The following CLIC5 variants were observed in gnomAD, a reference collection of about 807,000 sequenced individuals.
The protein encoded by CLIC5 is CLIC family member 5.
A neutral mutation model predicts 24.7 loss-of-function variants in CLIC5; 20 were observed. The observed-to-expected ratio is 0.81, with a 90% CI of 0.57 to 1.18. The LOEUF (loss-of-function observed/expected upper bound fraction) is 1.18. Ranked by LOEUF, CLIC5 falls within the 50% of genes most tolerant of loss-of-function variation. The pLI is 0.00. For missense variants in CLIC5, 341 were observed against 326.1 expected, an observed-to-expected ratio of 1.05 and a Z score of -0.35; for synonymous variants, 159 against 135.6, an observed-to-expected ratio of 1.17 and a Z score of -1.20.
At chr6:45,960,899 T>G (rs1391027501) in intron 1 of CLIC5, among the ~76,000 whole-genome samples, 1 of 152,118 alleles carries the variant, frequency 6.6e-6, no homozygotes, top group African/African-American at 2.4e-5. Context: ...CACTTCTAAG[T>G]TTGTCCTTCC....
chr6:45,929,897 T>C (rs3777565), intron 4 of CLIC5, among the ~76,000 whole-genome samples: 140,035 of 152,258 alleles, frequency 0.92, 64,496 homozygotes, highest in African/African-American at 0.94. Context: ...TCATCAGGCC[T>C]GTGGCAGAGC....
intron 1 of CLIC5, among the ~76,000 whole-genome samples, chr6:46,040,603 A>G (rs1767779797): frequency 6.6e-6 from 1 of 151,794 alleles, no homozygotes; most frequent in Admixed American, 6.6e-5. Flanking sequence ...CGTGAAGTTG[A>G]TGATGGTGGT....
At chr6:45,884,351 G>A (rs980983429) in intron 6 of CLIC5, among the ~76,000 whole-genome samples, 3 of 152,214 alleles carry the variant, frequency 2.0e-5, no homozygotes, top group African/African-American at 7.2e-5. Flanking sequence ...AAGAGTGGGA[G>A]AGGAGAAACC....
chr6:46,003,288 T>C (rs903094590), intron 1 of CLIC5, among the ~76,000 whole-genome samples: 4 of 152,178 alleles, frequency 2.6e-5, no homozygotes, highest in African/African-American at 9.7e-5. Flanking sequence ...AGACTGGTTT[T>C]TCTGTATCAT....
At chr6:46,104,664 T>TAAA in the CLIC5 span, among the ~76,000 whole-genome samples, 2 of 131,382 alleles carry the variant, frequency 1.5e-5, no homozygotes, top group African/African-American at 5.6e-5. Flanking sequence ...CTCCTATGTT[T>TAAA]AAAAAAAAAA....
chr6:46,030,795 G>A (rs1243426073), intron 1 of CLIC5, among the ~76,000 whole-genome samples: 1 of 152,112 alleles, frequency 6.6e-6, no homozygotes, highest in Non-Finnish European at 1.5e-5. Context: ...TAAAACTCAT[G>A]CTCCCACAGC....
chr6:45,880,851 TG>T (rs1323765074), downstream of CLIC5: 1 of 309,144 alleles, frequency 3.2e-6, no homozygotes, highest in Non-Finnish European at 5.9e-6. Flanking sequence ...TTAGTTTAAT[TG>T]AACTGCAGCA....
chr6:46,120,060 T>C, the CLIC5 span, among the ~76,000 whole-genome samples: 20,242 of 152,264 alleles, frequency 0.13, 1,818 homozygotes, highest in South Asian at 0.32. Flanking sequence ...TAAATGTCCC[T>C]GTCTAACAGC....
chr6:45,973,763 C>A (rs1400707687), intron 1 of CLIC5, among the ~76,000 whole-genome samples: 1 of 151,940 alleles, frequency 6.6e-6, no homozygotes, highest in Non-Finnish European at 1.5e-5. Flanking sequence ...ATGGTTAAAC[C>A]CCATCTCTAC....
At chr6:46,097,748 A>G in the CLIC5 span, among the ~76,000 whole-genome samples, 1 of 152,258 alleles carries the variant, frequency 6.6e-6, no homozygotes, top group African/African-American at 2.4e-5. Flanking sequence ...ACATGGACAT[A>G]GTTTACTAGA....
At chr6:45,906,988 TC>T (rs1245673584) in intron 5 of CLIC5, among the ~76,000 whole-genome samples, 1 of 152,250 alleles carries the variant, frequency 6.6e-6, no homozygotes, top group Non-Finnish European at 1.5e-5. Flanking sequence ...TGTGACTTCT[TC>T]TTTTCCTATT....
chr6:45,945,654 C>T (rs1764266836), intron 3 of CLIC5, among the ~76,000 whole-genome samples: 1 of 152,146 alleles, frequency 6.6e-6, no homozygotes. Context: ...CAACATAGCA[C>T]AACCTAGTGG....
intron 1 of CLIC5, among the ~76,000 whole-genome samples, chr6:45,957,042 C>A (rs1447608347): frequency 6.6e-6 from 1 of 152,044 alleles, no homozygotes; most frequent in East Asian, 1.9e-4. Context: ...TTAAGACATC[C>A]CGACACAGGA....
At chr6:45,992,493 T>C (rs1765977407) in intron 1 of CLIC5, among the ~76,000 whole-genome samples, 2 of 152,194 alleles carry the variant, frequency 1.3e-5, no homozygotes, top group Non-Finnish European at 1.5e-5. Context: ...TTGAAGAGAA[T>C]TTTAGAAAGA....
At chr6:46,048,115 G>T (rs1274017252) in intron 1 of CLIC5, among the ~76,000 whole-genome samples, 1 of 151,184 alleles carries the variant, frequency 6.6e-6, no homozygotes, top group Non-Finnish European at 1.5e-5. Flanking sequence ...CGATTCTCAT[G>T]CCTCAGCCTC....
At chr6:46,019,969 T>C (rs1423996476), upstream of CLIC5, among the ~76,000 whole-genome samples, 1 of 152,010 alleles carries the variant, frequency 6.6e-6, no homozygotes, top group Non-Finnish European at 1.5e-5. Flanking sequence ...TACAGAATTA[T>C]AGTTAGAGAC....
chr6:46,015,685 C>T lies in CLIC5; in HGVS notation c.-143G>A. ...AATTTTTCACAAAACCATCTATTCT[C>T]CAGCCCGAGCAGCGGGGTCTGAGAG... On this transcript the variant is annotated 5_prime_UTR_variant, in exon 1 of 6. Transcript: ENST00000339561. 1 of 1,290,790 alleles carries T rather than the reference C, an allele frequency of 7.7e-7. No individual in the cohort carries two copies. The highest frequency in any genetic ancestry group is 9.9e-7 in the Non-Finnish European group (1 of 1,014,078). 80.0% of individuals were successfully genotyped at this position (1,290,790 alleles called of 1,614,324 possible).
intron 1 of CLIC5, among the ~76,000 whole-genome samples, chr6:46,031,997 A>C (rs111689545): frequency 6.6e-6 from 1 of 151,446 alleles, no homozygotes; most frequent in Admixed American, 6.6e-5. Flanking sequence ...ATTTCCTGGA[A>C]GGCTAGATAC....
At chr6:45,977,330 A>G (rs1396768409) in intron 1 of CLIC5, among the ~76,000 whole-genome samples, 1 of 152,200 alleles carries the variant, frequency 6.6e-6, no homozygotes, top group Non-Finnish European at 1.5e-5. Flanking sequence ...TTCTTGCTAC[A>G]TTCAAATTGT....
Sources: allele counts gnomAD v4.1 joint callset (sites outside exome capture counted in the v4.1 genomes callset), GRCh38; gene constraint gnomAD v4.1.1; transcripts MANE v1.5; gene names NCBI Gene and HGNC (gene_info 2026-07-23, HGNC 2026-07-21).